The following ACAN variants were observed in gnomAD, a reference collection of about 807,000 sequenced individuals.
ACAN encodes the protein aggrecan core protein.
In ACAN, 47 loss-of-function variants were observed where a neutral mutation model predicts 169.1. That is an observed-to-expected ratio of 0.28 (90% confidence interval 0.22 to 0.35). ACAN has a LOEUF of 0.35. ACAN is among the 10% of genes least tolerant of loss of function. The probability of loss-of-function intolerance (pLI) is 1.00; values close to 1 mark genes in which losing one functional copy is unlikely to be tolerated. For missense variants in ACAN, 2,716 were observed against 2,759.9 expected (o/e 0.98, Z 0.36); for synonymous variants, 1,115 against 1,112.2 (o/e 1.00, Z -0.05).
chr15:88,805,344 G>A (rs1477289338), intron 1 of ACAN, among the ~76,000 whole-genome samples: 1 of 152,184 alleles, frequency 6.6e-6, no homozygotes, highest in East Asian at 1.9e-4. Context: ...AGGAAGCATT[G>A]AGCGGCAGTG....
Position 88,858,490 on chromosome 15 carries a change from T to G in ACAN, c.5905T>G (p.Ser1969Ala), listed in dbSNP as rs1479852773. ...CATTTTAGAACTCAGTGGTGCTCAT[T>G]CTGGAGCACCAGACATGTCTGGGGA... ...SGILELSGAHSGAPDMSGEHS... is the reference protein window; with the variant it reads ...SGILELSGAHAGAPDMSGEHS... Residue 1969 changes from serine to alanine, a missense_variant, in exon 12 of 19, where the codon TCT (serine) becomes GCT (alanine). Transcript: ENST00000560601. The surrounding 1 kb of genome is among the most constrained non-coding windows in gnomAD (Gnocchi z 4.0). The G allele has an allele frequency of 6.2e-7, 1 of 1,613,662 alleles. No individual in the cohort carries two copies. Among genetic ancestry groups the G allele is most frequent in the Non-Finnish European group, 8.5e-7 (1 of 1,179,894 alleles).
rs767467522 is a variant in ACAN, at chr15:88,843,630, G to A, written c.1033G>A (p.Asp345Asn). Residue 345 changes from aspartate to asparagine, a missense_variant, in exon 6 of 19, where the codon GAC becomes AAC. Around this residue, in one of 3 missense-constraint regions of ACAN, gnomAD observed 1,283 missense variants for 1,281.5 expected, o/e 1.00. Transcript: ENST00000560601. The surrounding 1 kb of genome is among the most constrained non-coding windows in gnomAD (Gnocchi z 4.0). The stretch of plus-strand genomic sequence containing the variant: ...CTACCCCGACCCCTCATCCCGCTAC[G>A]ACGCCATCTGCTACACAGGTGGGGC... The part of the protein sequence containing the change: ...TGYPDPSSRY[D>N]AICYTGEDFV... The A allele has an allele frequency of 8.2e-6, 13 of 1,583,336 alleles. No homozygotes were observed. The highest frequency in any genetic ancestry group is 1.7e-4 in the Middle Eastern group (1 of 5,976).
Position 88,858,132 on chromosome 15 carries a change from C to A in ACAN, c.5547C>A (p.Gly1849=), listed in dbSNP as rs750578281. Residue 1849 remains glycine, a synonymous_variant, in exon 12 of 19, where the codon GGC becomes GGA. Coordinates refer to ENST00000560601, the MANE Select transcript of ACAN (RefSeq NM_001369268.1). This position sits in a 1 kb window ranked among gnomAD's most constrained non-coding sequence, Gnocchi z 4.0. ...VAPTTFKEEE[G]LGSVELSGLP... ...CTACTACATTTAAAGAAGAAGAAGG[C>A]TTAGGGTCTGTGGAACTCAGTGGCC... The A allele has an allele frequency of 6.2e-7, 1 of 1,613,840 alleles. No individual in the cohort carries two copies. The highest frequency in any genetic ancestry group is 8.5e-7 in the Non-Finnish European group (1 of 1,179,870).
chr15:88,837,886 C>CT (rs1555453564), intron 2 of ACAN, among the ~76,000 whole-genome samples: 2,615 of 112,746 alleles, frequency 0.023, 83 homozygotes, highest in African/African-American at 0.078. Flanking sequence ...ATGAAAGGTG[C>CT]TTTTTTTTTT....
At chr15:88,824,734 C>T (rs1896167580) in intron 1 of ACAN, among the ~76,000 whole-genome samples, 1 of 151,986 alleles carries the variant, frequency 6.6e-6, no homozygotes, top group African/African-American at 2.4e-5. Context: ...CAAAAATTAG[C>T]CAGACATGGT....
Position 88,861,536 on chromosome 15 carries a change from A to G in ACAN, c.6946+1097A>G, listed in dbSNP as rs559250410. ...CTGTATACATGGTACATATGCAGTA[A>G]CTATATATGTATATATAAACAGACG... On this transcript the variant is annotated intron_variant, in intron 13 of 18. Transcript: ENST00000560601. The surrounding 1 kb of genome is among the most constrained non-coding windows in gnomAD (Gnocchi z 6.3). Among the ~76,000 whole-genome samples, 1 of 152,234 alleles carries G rather than the reference A, an allele frequency of 6.6e-6. No homozygotes were observed. Among genetic ancestry groups the G allele is most frequent in the African/African-American group, 2.4e-5 (1 of 41,498 alleles).
chr15:88,852,798 CA>C (rs961962780), intron 11 of ACAN, among the ~76,000 whole-genome samples: 8 of 152,182 alleles, frequency 5.3e-5, no homozygotes, highest in African/African-American at 1.9e-4. Flanking sequence ...TAGCAGCTTC[CA>C]ACTGGGGAAA....
chr15:88,825,153 G>A (rs1317428347), intron 1 of ACAN, among the ~76,000 whole-genome samples: 3 of 152,128 alleles, frequency 2.0e-5, no homozygotes, highest in Admixed American at 2.0e-4. Flanking sequence ...GAGCAGGAGC[G>A]GATCACATGG....
At position 88,839,932 on chromosome 15, in the gene ACAN, C is replaced by G. The variant is rs1896605390; in HGVS notation, c.455-80C>G. 2 of 1,509,948 alleles carry G rather than the reference C, an allele frequency of 1.3e-6. No individual in the cohort carries two copies. Among genetic ancestry groups the G allele is most frequent in the Admixed American group, 4.0e-5 (2 of 50,344 alleles). 93.5% of individuals were successfully genotyped at this position (1,509,948 alleles called of 1,614,324 possible). A position where few individuals can be genotyped will look rare whatever the true frequency, so the allele number is the denominator to read the frequency against. ...TCCCTAAGGTCCCTTTGACTATTGC[C>G]ATAATTCTGCGAGGGCCTCGGTGAT... On this transcript the variant is annotated intron_variant, in intron 3 of 18. Transcript: ENST00000560601. The surrounding 1 kb of genome is among the most constrained non-coding windows in gnomAD (Gnocchi z 4.5).
chr15:88,824,053 A>G (rs544518165), intron 1 of ACAN, among the ~76,000 whole-genome samples: 7 of 152,246 alleles, frequency 4.6e-5, no homozygotes, highest in South Asian at 2.1e-4. Flanking sequence ...GGCCGGGCGC[A>G]GTGGCTCACG....
chr15:88,840,109 G>A lies in ACAN; in HGVS notation c.552G>A (p.Thr184=), dbSNP rs142615277. 8.8e-4 allele frequency: 1,406 copies of A among 1,605,494 alleles called. 13 individuals carry two copies. The African/African-American group carries it at 0.016, about 18-fold the overall frequency. ...TGCAGAACAGTGCCATCATTGCCACGCCTGAGCAGCTGCAGGCCGCCTACG... is the reference window on the plus strand; with the variant it reads ...TGCAGAACAGTGCCATCATTGCCACACCTGAGCAGCTGCAGGCCGCCTACG... The part of the protein sequence containing the change: ...ACLQNSAIIA[T]PEQLQAAYED... Residue 184 remains threonine, a synonymous_variant, in exon 4 of 19, where the codon ACG becomes ACA. Coordinates refer to ENST00000560601, the MANE Select transcript of ACAN (RefSeq NM_001369268.1).
At chr15:88,836,759 C>A (rs1340247999) in intron 2 of ACAN, among the ~76,000 whole-genome samples, 1 of 152,214 alleles carries the variant, frequency 6.6e-6, no homozygotes, top group Admixed American at 6.5e-5. Flanking sequence ...TCGGGAAGCC[C>A]CAGCCTGGTC....
chr15:88,827,706 A>G (rs1896259305), intron 1 of ACAN, among the ~76,000 whole-genome samples: 2 of 152,250 alleles, frequency 1.3e-5, no homozygotes. Context: ...CTTGCTCCTC[A>G]GTGAGGGAGG....
chr15:88,810,201 G>A (rs1354745232), intron 1 of ACAN, among the ~76,000 whole-genome samples: 2 of 152,136 alleles, frequency 1.3e-5, no homozygotes, highest in Non-Finnish European at 2.9e-5. Flanking sequence ...ATTCCAGCCA[G>A]TAAAGGGAAG....
chr15:88,872,158 C>A lies in ACAN; in HGVS notation c.7302+73C>A. Reference sequence around the variant, plus strand: ...GGATAGAGACCCCTGGAGAGAGATGCATTCAAACCCCATGCAGACAGCCGC... The same window carrying A: ...GGATAGAGACCCCTGGAGAGAGATGAATTCAAACCCCATGCAGACAGCCGC... On this transcript the variant is annotated intron_variant, in intron 16 of 18. Transcript: ENST00000560601. The surrounding 1 kb of genome is among the most constrained non-coding windows in gnomAD (Gnocchi z 5.4). 1 of 1,305,152 alleles carries A rather than the reference C, an allele frequency of 7.7e-7. No homozygotes were observed. The allele number at this position is 1,305,152 out of a possible 1,614,324, so 80.8% of individuals were successfully genotyped here.
chr15:88,870,339 C>T lies in ACAN; in HGVS notation c.7061-1043C>T, dbSNP rs575680219. Among the ~76,000 whole-genome samples the T allele has an allele frequency of 1.3e-5, 2 of 152,310 alleles. No individual in the cohort carries two copies. The highest frequency in any genetic ancestry group is 4.8e-5 in the African/African-American group (2 of 41,566). ...ACCATGCAGCCTGAGGGGTTTGTGA[C>T]CCTCCACCTGGGAGATCCCAGGGGA... On this transcript the variant is annotated intron_variant, in intron 14 of 18. Transcript: ENST00000560601. The surrounding 1 kb of genome is among the most constrained non-coding windows in gnomAD (Gnocchi z 6.3).
Position 88,859,327 on chromosome 15 carries a change from ACT to A in ACAN, c.6744_6745del (p.Thr2250SerfsTer21). 6.2e-7 allele frequency: 1 copy of A among 1,608,336 alleles called. No individual in the cohort carries two copies. The highest frequency in any genetic ancestry group is 8.5e-7 in the Non-Finnish European group (1 of 1,177,302). ...SSSLLYSGEE[T>X]HTVETATSPT... ...AAGCCTCCTGTACTCAGGAGAAGAG[ACT>A]CACACAGTCGAAACAGCCACCTCCC... On this transcript the variant is annotated frameshift_variant, in exon 12 of 19. Transcript: ENST00000560601. LOFTEE classifies it high-confidence loss of function.
chr15:88,858,730 A>C lies in ACAN; in HGVS notation c.6145A>C (p.Thr2049Pro), dbSNP rs369443823. 29 of 1,613,820 alleles carry C rather than the reference A, an allele frequency of 1.8e-5. No individual in the cohort carries two copies. The highest frequency in any genetic ancestry group is 2.3e-5 in the Non-Finnish European group (27 of 1,179,884). The change falls in exon 12 of 19, where the codon ACT becomes CCT. Residue 2049 changes from threonine (T) to proline (P), a missense_variant. Physicochemically the swap from Thr to Pro is conservative, Grantham distance 38. Around this residue, in one of 3 missense-constraint regions of ACAN, gnomAD observed 1,389 missense variants for 1,363.7 expected, o/e 1.02. Transcript: ENST00000560601. This position sits in a 1 kb window ranked among gnomAD's most constrained non-coding sequence, Gnocchi z 4.0. ...SEFVEGVTEP[T>P]ISQELGQRPP... The stretch of plus-strand genomic sequence containing the variant: ...GTTCGTGGAGGGTGTTACTGAACCA[A>C]CTATTTCTCAGGAACTAGGCCAAAG...
chr15:88,804,912 C>T (rs1276430589), intron 1 of ACAN, among the ~76,000 whole-genome samples: 4 of 152,056 alleles, frequency 2.6e-5, no homozygotes, highest in Non-Finnish European at 5.9e-5. Context: ...TTTTGGGGTC[C>T]TGGGTGCTGC....
Sources: gnomAD v4.1 joint callset for allele counts (sites outside exome capture counted in the v4.1 genomes callset) on GRCh38, gnomAD v4.1.1 for gene constraint, gnomAD v4.1.1 regional missense constraint, Gnocchi (gnomAD v3.1) non-coding constraint, MANE v1.5 for transcripts, NCBI Gene and HGNC (gene_info 2026-07-23, HGNC 2026-07-21) for gene names.